COPS8: variants seen among roughly 807,000 people sequenced by gnomAD.
COPS8 encodes the protein COP9 signalosome subunit 8.
In COPS8, 11 loss-of-function variants were observed where a neutral mutation model predicts 31.5. The observed-to-expected ratio is 0.35, with a 90% CI of 0.22 to 0.58. The LOEUF is 0.58. COPS8 is among the 20% of genes least tolerant of loss of function. The pLI is 0.83. For missense variants in COPS8, 215 were observed against 255.1 expected (o/e 0.84, Z 1.07); for synonymous variants, 81 against 89.3 (o/e 0.91, Z 0.52).
At chr2:237,094,473 C>A (rs1451867247) in intron 5 of COPS8, among the ~76,000 whole-genome samples, 1 of 152,094 alleles carries the variant, frequency 6.6e-6, no homozygotes, top group Non-Finnish European at 1.5e-5. Flanking sequence ...ATTTGGAAAT[C>A]CTTATTTCAC....
In COPS8 at chr2:237,085,925, T is replaced by C. The variant is rs753517780; in HGVS notation, c.-40T>C. 35 of 1,593,084 alleles carry C rather than the reference T, an allele frequency of 2.2e-5. No individual in the cohort carries two copies. The highest frequency in any genetic ancestry group is 2.9e-5 in the Non-Finnish European group (34 of 1,165,724). ...GACGCCTGAGGGACAGTCTGGGGTTTGGCTGTCCGGACGGTGCAGCGGCGA... is the reference window on the plus strand; with the variant it reads ...GACGCCTGAGGGACAGTCTGGGGTTCGGCTGTCCGGACGGTGCAGCGGCGA... On this transcript the variant is annotated 5_prime_UTR_variant, in exon 1 of 8. Coordinates refer to ENST00000354371, the MANE Select transcript of COPS8 (RefSeq NM_006710.5).
In COPS8 at chr2:237,095,809, T is replaced by C. The variant is rs371853288; in HGVS notation, c.440-13T>C. Reference sequence around the variant, plus strand: ...ATTCTTTCCGGATCTTTATGTGTAATATACTTTTTTAGGCATATTAGAACA... The same window carrying C: ...ATTCTTTCCGGATCTTTATGTGTAACATACTTTTTTAGGCATATTAGAACA... On this transcript the variant is annotated splice_polypyrimidine_tract_variant and intron_variant, in intron 5 of 7. Transcript: ENST00000354371. 1.2e-4 allele frequency: 195 copies of C among 1,582,528 alleles called. No homozygotes were observed. In the African/African-American group the frequency reaches 2.4e-3, roughly 20 times the overall value.
chr2:237,090,676 G>A (rs954763923), intron 4 of COPS8, among the ~76,000 whole-genome samples: 1 of 152,162 alleles, frequency 6.6e-6, no homozygotes, highest in African/African-American at 2.4e-5. Flanking sequence ...CAGTGAGCAG[G>A]AATTTTTTTA....
intron 4 of COPS8, among the ~76,000 whole-genome samples, chr2:237,090,304 A>G (rs1394941562): frequency 1.3e-5 from 2 of 152,208 alleles, no homozygotes; most frequent in Non-Finnish European, 2.9e-5. Flanking sequence ...ATGGGTTTGT[A>G]GAGATGTGAA....
intron 3 of COPS8, among the ~76,000 whole-genome samples, chr2:237,089,017 C>G (rs981747532): frequency 6.6e-5 from 10 of 152,084 alleles, no homozygotes; most frequent in Non-Finnish European, 1.5e-4. Context: ...AAACTGCCAT[C>G]GTTTACAAGA....
Position 237,089,889 on chromosome 2 carries a change from T to G in COPS8, c.226T>G (p.Ser76Ala). The change falls in exon 4 of 8, where the codon TCA becomes GCA. Residue 76 changes from serine to alanine, a missense_variant. Ser to Ala is a moderately conservative substitution (Grantham distance 99). Coordinates refer to ENST00000354371, the MANE Select transcript of COPS8 (RefSeq NM_006710.5). ...SANSELGGIW[S>A]VGQRIWQRDF... is the part of the protein sequence containing the mutation. ...AAATTCTGAACTTGGGGGAATTTGG[T>G]CAGTAGGACAAAGAATCTGGCAGAG... 1 of 1,612,826 alleles carries G rather than the reference T, an allele frequency of 6.2e-7. No homozygotes were observed. Among genetic ancestry groups the G allele is most frequent in the Non-Finnish European group, 8.5e-7 (1 of 1,179,888 alleles).
In COPS8 at chr2:237,085,931, T is replaced by G. The variant is rs752670362; in HGVS notation, c.-34T>G. ...TGAGGGACAGTCTGGGGTTTGGCTG[T>G]CCGGACGGTGCAGCGGCGAGGCCGG... On this transcript the variant is annotated 5_prime_UTR_variant, in exon 1 of 8. Coordinates refer to ENST00000354371, the MANE Select transcript of COPS8 (RefSeq NM_006710.5). 6.2e-6 allele frequency: 10 copies of G among 1,603,014 alleles called. No individual in the cohort carries two copies. Among genetic ancestry groups the G allele is most frequent in the Non-Finnish European group, 8.5e-6 (10 of 1,173,616 alleles).
At chr2:237,093,676 T>C in intron 4 of COPS8, 4 of 986,016 alleles carry the variant, frequency 4.1e-6, no homozygotes, top group Non-Finnish European at 4.8e-6. Flanking sequence ...TGGTCCTGTA[T>C]TAGAGACGTT....
At chr2:237,096,205 G>C (rs943503447) in intron 6 of COPS8, among the ~76,000 whole-genome samples, 3 of 151,810 alleles carry the variant, frequency 2.0e-5, no homozygotes, top group African/African-American at 7.3e-5. Flanking sequence ...GCTGTTGTCT[G>C]TATTAAAAAA....
chr2:237,089,537 T>A (rs887831359), intron 3 of COPS8, among the ~76,000 whole-genome samples: 1 of 152,202 alleles, frequency 6.6e-6, no homozygotes, highest in African/African-American at 2.4e-5. Context: ...AAATACAACA[T>A]CTTTAAAAAC....
At chr2:237,086,675 A>T (rs1696620912) in intron 1 of COPS8, 1 of 378,052 alleles carries the variant, frequency 2.6e-6, no homozygotes, top group Non-Finnish European at 3.6e-6. Flanking sequence ...AGTTGAGTTA[A>T]AATGGAAAGA....
At position 237,098,015 on chromosome 2, in the gene COPS8, A is replaced by G; in HGVS notation, c.*273A>G. Reference sequence around the variant, plus strand: ...AGTTAGTTTTCTAGTGACTCATAAAATAAGATTTCCTGTTTCATGTAGAAT... The same window carrying G: ...AGTTAGTTTTCTAGTGACTCATAAAGTAAGATTTCCTGTTTCATGTAGAAT... On this transcript the variant is annotated 3_prime_UTR_variant, in exon 8 of 8. Transcript: ENST00000354371. 3.4e-6 allele frequency: 1 copy of G among 298,030 alleles called. No individual in the cohort carries two copies. Among genetic ancestry groups the G allele is most frequent in the Non-Finnish European group, 6.3e-6 (1 of 158,412 alleles). 18.5% of individuals were successfully genotyped at this position (298,030 alleles called of 1,614,324 possible).
chr2:237,089,724 T>A (rs946949529), intron 3 of COPS8, 138 bp from the exon 4 acceptor site: 137 of 890,554 alleles, frequency 1.5e-4, no homozygotes, highest in Middle Eastern at 7.2e-4. Context: ...TAATTGCATC[T>A]TTTAAAATAA....
At chr2:237,087,591 T>G in intron 2 of COPS8, 1 of 242,320 alleles carries the variant, frequency 4.1e-6, no homozygotes, top group African/African-American at 2.4e-5. Context: ...TTTTTTTTGT[T>G]TTTAATTATT....
chr2:237,094,268 C>T (rs1431479215), intron 5 of COPS8, 71 bp downstream of exon 5: 55 of 1,380,908 alleles, frequency 4.0e-5, no homozygotes, highest in Non-Finnish European at 5.1e-5. Context: ...TTCACAGTCT[C>T]CTCTGAAACA....
chr2:237,093,978 C>T, intron 4 of COPS8, 112 bp from the exon 5 acceptor site: 1 of 1,474,712 alleles, frequency 6.8e-7, no homozygotes. Context: ...TCTTTGGGTT[C>T]ATCTGGCCTT....
At position 237,095,946 on chromosome 2, in the gene COPS8, C is replaced by T. The variant is rs1022573604; in HGVS notation, c.502+62C>T. On this transcript the variant is annotated intron_variant, in intron 6 of 7. Coordinates refer to ENST00000354371, the MANE Select transcript of COPS8 (RefSeq NM_006710.5). ...CTCTTCTAAGACTGCTTCAGGTTTT[C>T]AGTCTTTGGTTTTTGATAATTGGAT... is the stretch of plus-strand genomic sequence containing the variant. The T allele has an allele frequency of 6.9e-6, 8 of 1,152,760 alleles. No individual in the cohort carries two copies. The East Asian group carries it at 1.6e-4, about 24-fold the overall frequency. The allele number at this position is 1,152,760 out of a possible 1,614,324, so 71.4% of individuals were successfully genotyped here.
Position 237,098,715 on chromosome 2 carries a change from CT to C in COPS8, c.*974del, listed in dbSNP as rs1395219362. On this transcript the variant is annotated 3_prime_UTR_variant, in exon 8 of 8. Coordinates refer to ENST00000354371, the MANE Select transcript of COPS8 (RefSeq NM_006710.5). ...TCAATTATTTCATCTAAGATAGTTT[CT>C]GGAAATTTCACTCTCGATCTTTCTG... 1 of 152,146 alleles carries C rather than the reference CT, an allele frequency of 6.6e-6. No homozygotes were observed. Among genetic ancestry groups the C allele is most frequent in the Non-Finnish European group, 1.5e-5 (1 of 68,020 alleles). The allele number at this position is 152,146 out of a possible 1,614,324, so 9.4% of individuals were successfully genotyped here. A position where few individuals can be genotyped will look rare whatever the true frequency, so the allele number is the denominator to read the frequency against.
intron 3 of COPS8, among the ~76,000 whole-genome samples, chr2:237,088,861 T>TGG (rs1325856909): frequency 6.6e-6 from 1 of 152,136 alleles, no homozygotes; most frequent in African/African-American, 2.4e-5. Context: ...TTCCTACTGA[T>TGG]TAGATTTCTT....
Sources: allele counts gnomAD v4.1 joint callset (sites outside exome capture counted in the v4.1 genomes callset), GRCh38; gene constraint gnomAD v4.1.1; transcripts MANE v1.5; gene names NCBI Gene and HGNC (gene_info 2026-07-23, HGNC 2026-07-21).